The following SLC28A1 variants were observed in gnomAD, a reference collection of about 807,000 sequenced individuals.
SLC28A1 encodes sodium/nucleoside cotransporter 1.
In SLC28A1, 64 loss-of-function variants were observed where a neutral mutation model predicts 74.8. The ratio of observed to expected loss-of-function variants is 0.86; its 90% confidence interval spans 0.70 to 1.05. The LOEUF (loss-of-function observed/expected upper bound fraction) is 1.05. Among genes scored for constraint, SLC28A1 ranks in the 50% least tolerant of loss-of-function variants. SLC28A1 has a pLI of 0.00. For synonymous variants in SLC28A1, 359 were observed against 335.0 expected, an observed-to-expected ratio of 1.07 and a Z score of -0.78; for missense variants, 828 against 822.8, an observed-to-expected ratio of 1.01 and a Z score of -0.08.
chr15:84,918,684 T>C (rs1969435122), intron 10 of SLC28A1, 80 bp downstream of exon 10: 4 of 1,116,508 alleles, frequency 3.6e-6, no homozygotes, highest in Non-Finnish European at 5.5e-6. Flanking sequence ...AATGCCTTGC[T>C]CCCAGAGCCC....
At chr15:84,943,562 A>C in intron 16 of SLC28A1, 36 bp downstream of exon 16, 1 of 1,516,842 alleles carries the variant, frequency 6.6e-7, no homozygotes, top group Non-Finnish European at 9.2e-7. Context: ...TGTCTAGGAG[A>C]GTCTGGGACT....
rs2079169845 is a variant in SLC28A1, at chr15:84,945,443, A to C, written c.*243A>C. The C allele has an allele frequency of 5.7e-6, 3 of 529,808 alleles. No homozygotes were observed. The highest frequency in any genetic ancestry group is 2.0e-5 in the African/African-American group (1 of 50,312). 32.8% of individuals were successfully genotyped at this position (529,808 alleles called of 1,614,324 possible). On this transcript the variant is annotated 3_prime_UTR_variant, in exon 19 of 19. Coordinates refer to ENST00000394573, the MANE Select transcript of SLC28A1 (RefSeq NM_004213.5). ...CCATTTCCTAACTCCCCCAGTGTGAATTCTCAGGGTCACTTCTGCCTCCTC... is the reference window on the plus strand; with the variant it reads ...CCATTTCCTAACTCCCCCAGTGTGACTTCTCAGGGTCACTTCTGCCTCCTC...
At chr15:84,931,625 C>A (rs1412253055) in intron 12 of SLC28A1, among the ~76,000 whole-genome samples, 1 of 113,098 alleles carries the variant, frequency 8.8e-6, no homozygotes, top group Non-Finnish European at 1.6e-5. Context: ...ACACTCCAGA[C>A]TGGGCGACAG....
the SLC28A1 span, among the ~76,000 whole-genome samples, chr15:84,952,169 C>T: frequency 0.24 from 37,132 of 152,048 alleles, 5,133 homozygotes; most frequent in East Asian, 0.47. Flanking sequence ...ATCCTGCTCC[C>T]CTCCCACCTG....
chr15:84,975,318 G>C, the SLC28A1 span, among the ~76,000 whole-genome samples: 3 of 152,312 alleles, frequency 2.0e-5, no homozygotes, highest in South Asian at 6.2e-4. Context: ...TTGACATAAA[G>C]TCATGTCACC....
the SLC28A1 span, among the ~76,000 whole-genome samples, chr15:84,967,656 A>G: frequency 6.6e-6 from 1 of 152,228 alleles, no homozygotes; most frequent in Non-Finnish European, 1.5e-5. Context: ...CCCTTGTAGC[A>G]GCCCCGTATG....
chr15:84,895,882 G>A (rs925646430), intron 6 of SLC28A1: 51 of 1,027,014 alleles, frequency 5.0e-5, no homozygotes, highest in Non-Finnish European at 5.6e-5. Context: ...GGGGGATGCA[G>A]GGGTACAGGG....
chr15:84,924,302 G>A lies in SLC28A1; in HGVS notation c.1083+192G>A, dbSNP rs574806100. ...CTCGGGCTTTGCGCATGGCCACCTG[G>A]GGCAAAGCTTCCTGGTGTTCCATTT... is the stretch of plus-strand genomic sequence containing the variant. On this transcript the variant is annotated intron_variant, in intron 12 of 18. Coordinates refer to ENST00000394573, the MANE Select transcript of SLC28A1 (RefSeq NM_004213.5). Among the ~76,000 whole-genome samples, 8 of 145,688 alleles carry A rather than the reference G, an allele frequency of 5.5e-5. No individual in the cohort carries two copies. The South Asian group carries it at 1.5e-3, about 27-fold the overall frequency.
the SLC28A1 span, among the ~76,000 whole-genome samples, chr15:84,969,582 G>C: frequency 6.6e-6 from 1 of 152,140 alleles, no homozygotes; most frequent in South Asian, 2.1e-4. Context: ...ACACATGTAG[G>C]GGGCAGACTG....
the SLC28A1 span, among the ~76,000 whole-genome samples, chr15:84,955,501 C>A: frequency 1.3e-5 from 2 of 152,208 alleles, no homozygotes; most frequent in South Asian, 2.1e-4. Context: ...GCGCTGCAGT[C>A]TCCCTTCTTC....
chr15:84,931,498 A>T (rs1971271223), intron 12 of SLC28A1, among the ~76,000 whole-genome samples: 1 of 150,304 alleles, frequency 6.7e-6, no homozygotes, highest in South Asian at 2.1e-4. Flanking sequence ...TACAAAAAAA[A>T]AAAATTAGCT....
the SLC28A1 span, among the ~76,000 whole-genome samples, chr15:84,965,794 T>C: frequency 1.4e-4 from 21 of 151,976 alleles, no homozygotes; most frequent in East Asian, 3.7e-3. Context: ...CCTTCCTCTT[T>C]CCTTCTGGCT....
Position 84,905,659 on chromosome 15 carries a change from A to T in SLC28A1, c.717+7A>T, listed in dbSNP as rs1567138262. On this transcript the variant is annotated splice_region_variant and intron_variant, in intron 8 of 18. Transcript: ENST00000394573. ...GCTGGGCGAGCAGATCCGGGTAGGT[A>T]TGTGGGGTCTGGCTGCCCAGAGCAT... 2 of 1,596,978 alleles carry T rather than the reference A, an allele frequency of 1.3e-6. No homozygotes were observed. Among genetic ancestry groups the T allele is most frequent in the Non-Finnish European group, 1.7e-6 (2 of 1,164,600 alleles).
At chr15:84,905,270 C>T (rs896300376) in intron 7 of SLC28A1, among the ~76,000 whole-genome samples, 4 of 152,192 alleles carry the variant, frequency 2.6e-5, no homozygotes, top group Non-Finnish European at 5.9e-5. Flanking sequence ...GACGAAGTGC[C>T]ATGGCATGCC....
At chr15:84,955,801 C>T in the SLC28A1 span, among the ~76,000 whole-genome samples, 14 of 152,168 alleles carry the variant, frequency 9.2e-5, no homozygotes, top group Non-Finnish European at 1.3e-4. Context: ...GGGTTGTGGA[C>T]AGGAGGAGTC....
intron 12 of SLC28A1, among the ~76,000 whole-genome samples, chr15:84,927,202 T>C (rs1322969605): frequency 1.3e-5 from 2 of 152,066 alleles, no homozygotes; most frequent in South Asian, 2.1e-4. Context: ...TTTTTGGAAG[T>C]GTGGAGGCCA....
intron 1 of SLC28A1, among the ~76,000 whole-genome samples, chr15:84,885,028 T>G (rs571170321): frequency 6.6e-6 from 1 of 152,092 alleles, no homozygotes; most frequent in Non-Finnish European, 1.5e-5. Flanking sequence ...GTGTGATCTC[T>G]GCTCACTGCA....
the SLC28A1 span, among the ~76,000 whole-genome samples, chr15:84,954,325 G>C: frequency 2.6e-5 from 4 of 152,114 alleles, no homozygotes; most frequent in Admixed American, 2.0e-4. Context: ...CACGAGATCG[G>C]GGGTGTTGTT....
At position 84,927,165 on chromosome 15, in the gene SLC28A1, T is replaced by C. The variant is rs1479865187; in HGVS notation, c.1083+3055T>C. On this transcript the variant is annotated intron_variant, in intron 12 of 18. Transcript: ENST00000394573. ...CTAGAAAAGGGCTCATTAAAACTGGTGCACCCACCCACCCCACCACCAATT... is the reference window on the plus strand; with the variant it reads ...CTAGAAAAGGGCTCATTAAAACTGGCGCACCCACCCACCCCACCACCAATT... Among the ~76,000 whole-genome samples the C allele has an allele frequency of 4.6e-5, 7 of 152,248 alleles. No homozygotes were observed. The Middle Eastern group carries it at 0.017, about 370-fold the overall frequency.
Sources: allele counts gnomAD v4.1 joint callset (sites outside exome capture counted in the v4.1 genomes callset), GRCh38; gene constraint gnomAD v4.1.1; transcripts MANE v1.5; gene names NCBI Gene and HGNC (gene_info 2026-07-23, HGNC 2026-07-21).